Variants in RASA1 observed in about 807,000 individuals in gnomAD.
The protein encoded by RASA1 is ras GTPase-activating protein 1.
Under a neutral mutation model 132.2 loss-of-function variants are expected in RASA1, and 25 were observed. That is an observed-to-expected ratio of 0.19 (90% CI 0.14 to 0.26). The LOEUF is 0.26. Among genes scored for constraint, RASA1 ranks in the 10% least tolerant of loss-of-function variants. The probability of loss-of-function intolerance (pLI) is 1.00; values close to 1 mark genes in which losing one functional copy is unlikely to be tolerated. For synonymous variants in RASA1, 477 were observed against 449.9 expected (o/e 1.06, Z -0.76); for missense variants, 964 against 1,299.2 (o/e 0.74, Z 3.97).
In RASA1 at chr5:87,268,834, T is replaced by G. The variant is rs1380295000; in HGVS notation, c.383T>G (p.Leu128Arg). The G allele has an allele frequency of 3.1e-6, 5 of 1,613,858 alleles. No individual in the cohort carries two copies. The Middle Eastern group carries it at 4.9e-4, about 159-fold the overall frequency. Residue 128 changes from leucine to arginine, a missense_variant, in exon 1 of 25, where the codon CTC (leucine) becomes CGC (arginine). By Grantham distance (102) the Leu-to-Arg change is moderately radical. Coordinates refer to ENST00000274376, the MANE Select transcript of RASA1 (RefSeq NM_002890.3). ...CCCACTTCGTTGCTTGCTGAGACTCTCGGGCCAGGCGGCGGTTTTCCCCCT... is the reference window on the plus strand; with the variant it reads ...CCCACTTCGTTGCTTGCTGAGACTCGCGGGCCAGGCGGCGGTTTTCCCCCT... ...KLPTSLLAET[L>R]GPGGGFPPLP...
In RASA1 at chr5:87,268,282, T is replaced by A. The variant is rs963757765; in HGVS notation, c.-170T>A. The A allele has an allele frequency of 1.0e-6, 1 of 979,046 alleles. No homozygotes were observed. The highest frequency in any genetic ancestry group is 1.5e-6 in the Non-Finnish European group (1 of 687,204). The allele number at this position is 979,046 out of a possible 1,614,324, so 60.6% of individuals were successfully genotyped here. On this transcript the variant is annotated 5_prime_UTR_variant, in exon 1 of 25. Transcript: ENST00000274376. ...ACCCAGGCAGCTGGGGAGCCTGGGC[T>A]GTGGCCCTAGGAGGGGGCGCGGCGG... is the stretch of plus-strand genomic sequence containing the variant.
At chr5:87,286,468 C>T (rs1754570715) in intron 1 of RASA1, among the ~76,000 whole-genome samples, 1 of 151,408 alleles carries the variant, frequency 6.6e-6, no homozygotes, top group African/African-American at 2.4e-5. Context: ...CATTATGACA[C>T]AGAGCTTATG....
At chr5:87,271,452 CTTTTTTTTT>C (rs201918763) in intron 1 of RASA1, among the ~76,000 whole-genome samples, 16 of 38,216 alleles carry the variant, frequency 4.2e-4, no homozygotes, top group South Asian at 8.5e-4. Context: ...TAGTAGACTT[CTTTTTTTTT>C]TTTTTTTTTT....
In RASA1 at chr5:87,297,479, C is replaced by T. The variant is rs182955731; in HGVS notation, c.539+28489C>T. ...TGGACTGTGAACATAACCATTGTTT[C>T]TCAGTCCCCCACCCTTATCCCTGTC... On this transcript the variant is annotated intron_variant, in intron 1 of 24. Transcript: ENST00000274376. Among the ~76,000 whole-genome samples the T allele has an allele frequency of 9.2e-5, 14 of 152,296 alleles. No individual in the cohort carries two copies. In the East Asian group the frequency reaches 2.5e-3, roughly 27 times the overall value.
At chr5:87,379,476 T>TC (rs929229307) in intron 18 of RASA1, among the ~76,000 whole-genome samples, 1 of 152,184 alleles carries the variant, frequency 6.6e-6, no homozygotes, top group Non-Finnish European at 1.5e-5. Flanking sequence ...CAGCTTTTTT[T>TC]CCCCTCAAAT....
chr5:87,284,026 A>C (rs1754435220), intron 1 of RASA1, among the ~76,000 whole-genome samples: 1 of 152,172 alleles, frequency 6.6e-6, no homozygotes, highest in African/African-American at 2.4e-5. Context: ...TACCTCCTTA[A>C]GGTTGAAGGC....
intron 1 of RASA1, among the ~76,000 whole-genome samples, chr5:87,281,498 G>C (rs1187671948): frequency 6.6e-6 from 1 of 152,018 alleles, no homozygotes; most frequent in Non-Finnish European, 1.5e-5. Flanking sequence ...TAAGATTAGT[G>C]CTGTTGAGCA....
At chr5:87,351,689 G>C (rs939032029) in intron 8 of RASA1, among the ~76,000 whole-genome samples, 1 of 151,626 alleles carries the variant, frequency 6.6e-6, no homozygotes, top group East Asian at 1.9e-4. Flanking sequence ...TCCCCTGACT[G>C]TTTATTTCGG....
chr5:87,270,645 C>CTT (rs1753786828), intron 1 of RASA1, among the ~76,000 whole-genome samples: 2 of 97,428 alleles, frequency 2.1e-5, no homozygotes, highest in Admixed American at 1.2e-4. Flanking sequence ...CGGTGCCCGG[C>CTT]CTTTTTTTTT....
intron 5 of RASA1, among the ~76,000 whole-genome samples, chr5:87,338,907 A>G (rs1020984629): frequency 6.6e-6 from 1 of 152,038 alleles, no homozygotes; most frequent in African/African-American, 2.4e-5. Flanking sequence ...CCATCATATA[A>G]TACGTTATCA....
At chr5:87,291,623 C>T (rs1754913663) in intron 1 of RASA1, among the ~76,000 whole-genome samples, 1 of 152,168 alleles carries the variant, frequency 6.6e-6, no homozygotes, top group South Asian at 2.1e-4. Context: ...GGGAGGATCC[C>T]TCATGGCTTG....
intron 1 of RASA1, among the ~76,000 whole-genome samples, chr5:87,313,165 A>G (rs1756049650): frequency 6.6e-6 from 1 of 152,144 alleles, no homozygotes; most frequent in Non-Finnish European, 1.5e-5. Context: ...TCACATTTCT[A>G]TCTCAGTTTT....
chr5:87,367,386 T>C (rs1259214782), intron 11 of RASA1, among the ~76,000 whole-genome samples: 1 of 152,252 alleles, frequency 6.6e-6, no homozygotes, highest in Non-Finnish European at 1.5e-5. Context: ...GAACCTGATA[T>C]GCTGACCTTT....
At chr5:87,349,101 G>T in intron 7 of RASA1, 113 bp from the exon 8 acceptor site, 1 of 1,288,432 alleles carries the variant, frequency 7.8e-7, no homozygotes. Context: ...ACAAGTTCCT[G>T]GTGAAAATTT....
chr5:87,304,139 C>G (rs929985113), intron 1 of RASA1, among the ~76,000 whole-genome samples: 1 of 151,984 alleles, frequency 6.6e-6, no homozygotes, highest in Non-Finnish European at 1.5e-5. Context: ...CCAGCTGATA[C>G]TTCTTGTCTT....
chr5:87,344,678 A>ATTT (rs113174684), intron 6 of RASA1, among the ~76,000 whole-genome samples: 10 of 131,210 alleles, frequency 7.6e-5, no homozygotes, highest in African/African-American at 1.1e-4. Flanking sequence ...AAATGTTGTA[A>ATTT]TTTTTTTTTT....
chr5:87,387,644 GTTCT>G (rs1294696390), intron 23 of RASA1, among the ~76,000 whole-genome samples: 10 of 152,110 alleles, frequency 6.6e-5, no homozygotes, highest in African/African-American at 2.4e-4. Context: ...AGGTGTCCAT[GTTCT>G]GTCTTAATGT....
chr5:87,331,643 G>A (rs1757608410), intron 2 of RASA1, 143 bp downstream of exon 2: 4 of 961,512 alleles, frequency 4.2e-6, no homozygotes, highest in Non-Finnish European at 4.7e-6. Flanking sequence ...GATTTAATCA[G>A]TGATTTAGAG....
chr5:87,292,504 C>T (rs1263295370), intron 1 of RASA1, among the ~76,000 whole-genome samples: 1 of 151,046 alleles, frequency 6.6e-6, no homozygotes, highest in Non-Finnish European at 1.5e-5. Flanking sequence ...TTCTGGGTTT[C>T]CTGTTCCGTT....
Sources: allele counts gnomAD v4.1 joint callset (sites outside exome capture counted in the v4.1 genomes callset), GRCh38; gene constraint gnomAD v4.1.1; transcripts MANE v1.5; gene names NCBI Gene and HGNC (gene_info 2026-07-23, HGNC 2026-07-21).